Variants in ST6GAL1 observed in about 807,000 individuals in gnomAD.
The protein encoded by ST6GAL1 is beta-galactoside alpha-2,6-sialyltransferase 1.
A neutral mutation model predicts 38.0 loss-of-function variants in ST6GAL1; 20 were observed. The observed-to-expected ratio is 0.53, with a 90% CI of 0.37 to 0.77. The LOEUF (loss-of-function observed/expected upper bound fraction) is 0.77. Ranked by LOEUF, ST6GAL1 falls within the 30% of genes least tolerant of loss-of-function variation. The pLI is 0.00. For synonymous variants in ST6GAL1, 196 were observed against 188.2 expected (o/e 1.04, Z -0.34); for missense variants, 432 against 496.4 (o/e 0.87, Z 1.23).
At position 187,000,383 on chromosome 3, in the gene ST6GAL1, C is replaced by G. The variant is rs554965723; in HGVS notation, c.-183+36457C>G. Among the ~76,000 whole-genome samples the G allele has an allele frequency of 2.0e-4, 26 of 130,968 alleles. No individual in the cohort carries two copies. In the East Asian group the frequency reaches 5.0e-3, roughly 25 times the overall value. 85.9% of individuals were successfully genotyped at this position (130,968 alleles called of 152,430 possible). On this transcript the variant is annotated intron_variant, in intron 2 of 7. Transcript: ENST00000169298. ...TGGCCAACATGGTGAAACCCCATCT[C>G]TACTAAAAATACAAAAAAAAAAAAA...
intron 1 of ST6GAL1, among the ~76,000 whole-genome samples, chr3:186,949,711 C>T (rs776334177): frequency 8.5e-5 from 13 of 152,088 alleles, no homozygotes; most frequent in Non-Finnish European, 1.8e-4. Context: ...CCTTATCATT[C>T]GGAAAAAAAA....
intron 2 of ST6GAL1, among the ~76,000 whole-genome samples, chr3:186,998,350 A>T (rs1227968412): frequency 1.3e-5 from 2 of 152,222 alleles, no homozygotes; most frequent in African/African-American, 4.8e-5. Flanking sequence ...CACATATTTT[A>T]TATGTTATGT....
At chr3:187,022,895 A>T (rs2108566508) in intron 2 of ST6GAL1, among the ~76,000 whole-genome samples, 1 of 152,302 alleles carries the variant, frequency 6.6e-6, no homozygotes, top group South Asian at 2.1e-4. Flanking sequence ...TTTCTAGGGT[A>T]TGACTTAATC....
chr3:186,975,458 G>A (rs1355333252), intron 2 of ST6GAL1, among the ~76,000 whole-genome samples: 2 of 152,172 alleles, frequency 1.3e-5, no homozygotes, highest in Non-Finnish European at 2.9e-5. Context: ...AAGAAGAAGT[G>A]CAGGGGAGAG....
chr3:186,980,498 G>A (rs1715658428), intron 2 of ST6GAL1, among the ~76,000 whole-genome samples: 3 of 151,046 alleles, frequency 2.0e-5, no homozygotes, highest in Admixed American at 1.3e-4. Flanking sequence ...GGTGGCTCAC[G>A]CCTGTAATCC....
At chr3:187,073,690 G>A in intron 6 of ST6GAL1, 1 of 153,610 alleles carries the variant, frequency 6.5e-6, no homozygotes, top group Non-Finnish European at 1.4e-5. Context: ...TGCCTGACAG[G>A]CTCTGGCGAC....
At chr3:187,031,026 G>T (rs1466860753) in intron 2 of ST6GAL1, among the ~76,000 whole-genome samples, 3 of 152,206 alleles carry the variant, frequency 2.0e-5, no homozygotes, top group Admixed American at 6.5e-5. Context: ...ATTCAGACAT[G>T]ACTGAACATT....
intron 5 of ST6GAL1, 32 bp from the exon 6 acceptor site, chr3:187,072,817 T>C (rs756448013): frequency 6.3e-7 from 1 of 1,584,570 alleles, no homozygotes; most frequent in Non-Finnish European, 8.7e-7. Flanking sequence ...ATATGAATGT[T>C]CAAGCGACAG....
At chr3:187,010,773 T>C (rs1716928185) in intron 2 of ST6GAL1, among the ~76,000 whole-genome samples, 1 of 152,238 alleles carries the variant, frequency 6.6e-6, no homozygotes, top group African/African-American at 2.4e-5. Context: ...TTAGTCTGAT[T>C]GATAACGCCC....
chr3:187,065,005 C>CT (rs58334319), intron 5 of ST6GAL1, among the ~76,000 whole-genome samples: 116 of 139,300 alleles, frequency 8.3e-4, no homozygotes, highest in African/African-American at 2.3e-3. Flanking sequence ...TCTTCTTTTT[C>CT]TTTTTTTTTT....
At chr3:187,063,280 C>G (rs1312724094) in intron 5 of ST6GAL1, among the ~76,000 whole-genome samples, 1 of 152,024 alleles carries the variant, frequency 6.6e-6, no homozygotes, top group African/African-American at 2.4e-5. Context: ...GAAGAAGGTG[C>G]GAGTGGTGTA....
At chr3:186,940,831 G>A (rs1267027442) in intron 1 of ST6GAL1, among the ~76,000 whole-genome samples, 2 of 138,798 alleles carry the variant, frequency 1.4e-5, no homozygotes, top group Non-Finnish European at 3.1e-5. Context: ...TATTTTGAAT[G>A]TGTTTACCTT....
At chr3:186,961,632 T>G (rs1182600324) in intron 1 of ST6GAL1, among the ~76,000 whole-genome samples, 3 of 152,046 alleles carry the variant, frequency 2.0e-5, no homozygotes, top group African/African-American at 4.8e-5. Flanking sequence ...GGCTGGAGTG[T>G]AGGGTGCATG....
chr3:187,075,927 G>C lies in ST6GAL1; in HGVS notation c.*124G>C, dbSNP rs1719546117. The C allele has an allele frequency of 3.5e-6, 5 of 1,432,036 alleles. No individual in the cohort carries two copies. The highest frequency in any genetic ancestry group is 2.3e-5 in the Admixed American group (1 of 43,230). 88.7% of individuals were successfully genotyped at this position (1,432,036 alleles called of 1,614,324 possible). A position where few individuals can be genotyped will look rare whatever the true frequency, so the allele number is the denominator to read the frequency against. On this transcript the variant is annotated 3_prime_UTR_variant, in exon 8 of 8. Transcript: ENST00000169298. This position sits in a 1 kb window ranked among gnomAD's most constrained non-coding sequence, Gnocchi z 4.1. Reference sequence around the variant, plus strand: ...CCTTTTACTCTAGGGGCCTCTGTCAGCAAGACCATGGGGACTTCAAGAGCC... The same window carrying C: ...CCTTTTACTCTAGGGGCCTCTGTCACCAAGACCATGGGGACTTCAAGAGCC...
intron 1 of ST6GAL1, among the ~76,000 whole-genome samples, chr3:186,957,369 G>A (rs768112354): frequency 1.3e-5 from 2 of 152,204 alleles, no homozygotes; most frequent in Non-Finnish European, 2.9e-5. Flanking sequence ...CTTGAGCCAA[G>A]GAGGTTGAGG....
intron 1 of ST6GAL1, among the ~76,000 whole-genome samples, chr3:186,955,499 C>CTT (rs370729803): frequency 2.7e-5 from 4 of 149,184 alleles, no homozygotes; most frequent in South Asian, 4.3e-4. Context: ...TGTGTCTTCT[C>CTT]TTTTTTTTTT....
At chr3:186,990,016 TACCAGCTCCATG>T (rs1222707076) in intron 2 of ST6GAL1, among the ~76,000 whole-genome samples, 1 of 152,218 alleles carries the variant, frequency 6.6e-6, no homozygotes, top group African/African-American at 2.4e-5. Context: ...CCTAGCTCTG[TACCAGCTCCATG>T]ACCTTGGGCA....
chr3:187,005,554 C>CACTGTA (rs1239611205), intron 2 of ST6GAL1, among the ~76,000 whole-genome samples: 3 of 152,082 alleles, frequency 2.0e-5, no homozygotes, highest in Non-Finnish European at 2.9e-5. Flanking sequence ...GGATTACAGG[C>CACTGTA]ATGAGCCACG....
intron 5 of ST6GAL1, among the ~76,000 whole-genome samples, chr3:187,069,677 C>G (rs1348001281): frequency 6.6e-6 from 1 of 152,154 alleles, no homozygotes; most frequent in Non-Finnish European, 1.5e-5. Flanking sequence ...ACTTAAAACC[C>G]TTTCCTGGTC....
Sources: allele counts gnomAD v4.1 joint callset (sites outside exome capture counted in the v4.1 genomes callset), GRCh38; gene constraint gnomAD v4.1.1; non-coding constraint Gnocchi (gnomAD v3.1); transcripts MANE v1.5; gene names NCBI Gene and HGNC (gene_info 2026-07-23, HGNC 2026-07-21).